The following PLCH1 variants were observed in gnomAD, a reference collection of about 807,000 sequenced individuals.
PLCH1 encodes the protein 1-phosphatidylinositol 4,5-bisphosphate phosphodiesterase eta-1.
In PLCH1, 60 loss-of-function variants were observed where a neutral mutation model predicts 126.7. That is an observed-to-expected ratio of 0.47 (90% CI 0.38 to 0.59). The LOEUF is 0.59. PLCH1 is among the 20% of genes least tolerant of loss of function. The pLI, the probability that PLCH1 is intolerant of heterozygous loss-of-function variation, is 0.00. For missense variants in PLCH1, 1,723 were observed against 2,040.0 expected (o/e 0.84, Z 2.99); for synonymous variants, 719 against 734.9 (o/e 0.98, Z 0.35).
At chr3:155,527,361 A>C (rs1211163792) in intron 10 of PLCH1, among the ~76,000 whole-genome samples, 1 of 152,132 alleles carries the variant, frequency 6.6e-6, no homozygotes, top group Non-Finnish European at 1.5e-5. Flanking sequence ...CCCCTTTCAG[A>C]ATTCTGGATC....
Position 155,721,908 on chromosome 3 carries a change from A to G in PLCH1, c.-40-17644T>C, listed in dbSNP as rs569206452. Among the ~76,000 whole-genome samples, 4 of 152,138 alleles carry G rather than the reference A, an allele frequency of 2.6e-5. 1 individual carries two copies. The highest frequency in any genetic ancestry group is 9.6e-5 in the African/African-American group (4 of 41,548). ...ACTAAAAATACAAAATTAGCCGGGC[A>G]TGGTGGCACATGCCTGTAATCTCAG... On this transcript the variant is annotated intron_variant, in intron 1 of 22. Coordinates refer to ENST00000460012, the MANE Select transcript of PLCH1 (RefSeq NM_014996.4).
At chr3:155,602,451 G>C (rs1308621554) in intron 2 of PLCH1, among the ~76,000 whole-genome samples, 1 of 152,142 alleles carries the variant, frequency 6.6e-6, no homozygotes, top group East Asian at 1.9e-4. Flanking sequence ...GAACAAAACA[G>C]AAAGTAACAC....
chr3:155,730,441 C>A (rs1559968774), intron 1 of PLCH1, among the ~76,000 whole-genome samples: 1 of 152,096 alleles, frequency 6.6e-6, no homozygotes, highest in Non-Finnish European at 1.5e-5. Flanking sequence ...GCACCACGCC[C>A]AGCTAATTTT....
chr3:155,649,002 C>A (rs1235733948), intron 2 of PLCH1, among the ~76,000 whole-genome samples: 3 of 152,120 alleles, frequency 2.0e-5, no homozygotes, highest in Non-Finnish European at 4.4e-5. Flanking sequence ...ATCCTGAGAG[C>A]AACAAAAATC....
intron 2 of PLCH1, among the ~76,000 whole-genome samples, chr3:155,703,309 T>A (rs1746408589): frequency 6.6e-6 from 1 of 152,196 alleles, no homozygotes; most frequent in Admixed American, 6.5e-5. Context: ...AGGATTCTGT[T>A]AAAGAGCACT....
At chr3:155,614,838 A>T (rs548236967) in intron 2 of PLCH1, among the ~76,000 whole-genome samples, 152 of 152,342 alleles carry the variant, frequency 1.0e-3, no homozygotes, top group Non-Finnish European at 1.7e-3. Flanking sequence ...ATTCTAGAAG[A>T]TAACATCAGA....
intron 2 of PLCH1, among the ~76,000 whole-genome samples, chr3:155,668,083 TC>T (rs1392342953): frequency 4.6e-5 from 3 of 64,664 alleles, no homozygotes; most frequent in Non-Finnish European, 7.9e-5. Flanking sequence ...AGACTCCATC[TC>T]AAAAAAAAAA....
intron 1 of PLCH1, among the ~76,000 whole-genome samples, chr3:155,724,127 T>C (rs1274427763): frequency 6.6e-6 from 1 of 152,178 alleles, no homozygotes; most frequent in Non-Finnish European, 1.5e-5. Flanking sequence ...AATTTCAATT[T>C]TCTTAAATTT....
At chr3:155,535,733 G>A (rs540506934) in intron 10 of PLCH1, among the ~76,000 whole-genome samples, 37 of 152,274 alleles carry the variant, frequency 2.4e-4, no homozygotes, top group African/African-American at 7.9e-4. Context: ...AATCTCTTGG[G>A]AGCTCTATGG....
At chr3:155,656,382 CTATA>C (rs1741371877) in intron 2 of PLCH1, among the ~76,000 whole-genome samples, 1 of 152,144 alleles carries the variant, frequency 6.6e-6, no homozygotes, top group Non-Finnish European at 1.5e-5. Context: ...ATACTCAAAA[CTATA>C]TACAACCCTC....
intron 2 of PLCH1, among the ~76,000 whole-genome samples, chr3:155,645,741 T>G (rs1371398071): frequency 6.6e-6 from 1 of 151,694 alleles, no homozygotes; most frequent in Non-Finnish European, 1.5e-5. Flanking sequence ...CTGGGAGAAG[T>G]TTTTTAAACT....
At chr3:155,488,537 C>T in intron 20 of PLCH1, 123 bp downstream of exon 20, 1 of 907,748 alleles carries the variant, frequency 1.1e-6, no homozygotes, top group Non-Finnish European at 1.6e-6. Flanking sequence ...TGTTAAAAGT[C>T]ACATTTATTA....
rs539095528 is a variant in PLCH1, at chr3:155,716,067, A to T, written c.-40-11803T>A. 1.8e-4 allele frequency among the ~76,000 whole-genome samples: 28 copies of T among 152,328 alleles called. 1 individual carries two copies. In the East Asian group the frequency reaches 4.0e-3, roughly 22 times the overall value. Reference sequence around the variant, plus strand: ...AGTTTTGACTCATAGTATTTTTGTTATCATTCAGTTAAAAATATTTTCTGA... The same window carrying T: ...AGTTTTGACTCATAGTATTTTTGTTTTCATTCAGTTAAAAATATTTTCTGA... On this transcript the variant is annotated intron_variant, in intron 1 of 22. Transcript: ENST00000460012.
chr3:155,696,071 T>C (rs1275987843), intron 2 of PLCH1, among the ~76,000 whole-genome samples: 1 of 152,150 alleles, frequency 6.6e-6, no homozygotes, highest in Admixed American at 6.5e-5. Context: ...GTCAAAGCCA[T>C]GAACACACTT....
At chr3:155,557,100 A>G (rs1403576127) in intron 8 of PLCH1, among the ~76,000 whole-genome samples, 1 of 152,252 alleles carries the variant, frequency 6.6e-6, no homozygotes, top group Non-Finnish European at 1.5e-5. Context: ...ATACTATCAG[A>G]GAGTGTCTAC....
chr3:155,711,386 G>A (rs907784532), intron 1 of PLCH1, among the ~76,000 whole-genome samples: 1 of 152,054 alleles, frequency 6.6e-6, no homozygotes, highest in Non-Finnish European at 1.5e-5. Context: ...GTCATATGTG[G>A]CAGTAGGGAC....
intron 2 of PLCH1, among the ~76,000 whole-genome samples, chr3:155,671,377 T>C (rs948871955): frequency 6.6e-5 from 10 of 152,232 alleles, no homozygotes; most frequent in Non-Finnish European, 1.3e-4. Context: ...TCTGATGCTA[T>C]GTTCTGAAGC....
chr3:155,542,277 C>G (rs548961654), intron 10 of PLCH1, among the ~76,000 whole-genome samples: 1 of 152,148 alleles, frequency 6.6e-6, no homozygotes, highest in Non-Finnish European at 1.5e-5. Context: ...GGAGTCTCGC[C>G]GATTGCTAGC....
intron 2 of PLCH1, among the ~76,000 whole-genome samples, chr3:155,651,151 A>G (rs1254002268): frequency 6.6e-6 from 1 of 152,210 alleles, no homozygotes; most frequent in Non-Finnish European, 1.5e-5. Flanking sequence ...GACTAGGGGG[A>G]AAAATGTAGC....
Sources: gnomAD v4.1 joint callset for allele counts (sites outside exome capture counted in the v4.1 genomes callset) on GRCh38, gnomAD v4.1.1 for gene constraint, MANE v1.5 for transcripts, NCBI Gene and HGNC (gene_info 2026-07-23, HGNC 2026-07-21) for gene names.